Variants in PRKG1 observed in about 807,000 individuals in gnomAD.
PRKG1 encodes cGMP-dependent protein kinase 1.
In PRKG1, 35 loss-of-function variants were observed where a neutral mutation model predicts 88.1. That is an observed-to-expected ratio of 0.40 (90% CI 0.30 to 0.53). The LOEUF (loss-of-function observed/expected upper bound fraction) is 0.53. Among genes scored for constraint, PRKG1 ranks in the 20% least tolerant of loss-of-function variants. The pLI, the probability that PRKG1 is intolerant of heterozygous loss-of-function variation, is 0.59. For synonymous variants in PRKG1, 303 were observed against 292.5 expected (o/e 1.04, Z -0.37); for missense variants, 540 against 839.8 (o/e 0.64, Z 4.41).
intron 3 of PRKG1, among the ~76,000 whole-genome samples, chr10:51,686,363 C>T (rs1243994204): frequency 2.6e-5 from 4 of 152,114 alleles, no homozygotes; most frequent in East Asian, 1.9e-4. Flanking sequence ...TGTTCTCGTT[C>T]GGCTCCCCCT....
chr10:52,241,499 G>T (rs920197364), intron 9 of PRKG1, among the ~76,000 whole-genome samples: 3 of 152,168 alleles, frequency 2.0e-5, no homozygotes, highest in African/African-American at 7.2e-5. Context: ...TAGAGGCCAT[G>T]GAGGGTAACT....
chr10:51,087,053 CTCTT>C (rs1167851748), intron 1 of PRKG1, among the ~76,000 whole-genome samples: 6 of 152,188 alleles, frequency 3.9e-5, no homozygotes, highest in Non-Finnish European at 8.8e-5. Context: ...GCTTTTCCCT[CTCTT>C]TCTTGACTCC....
At chr10:51,179,336 T>C (rs1837283037) in intron 2 of PRKG1, among the ~76,000 whole-genome samples, 2 of 152,246 alleles carry the variant, frequency 1.3e-5, no homozygotes, top group Non-Finnish European at 2.9e-5. Context: ...ATGGATTATA[T>C]AGAATAGTAG....
chr10:51,566,650 T>C (rs558364830), intron 3 of PRKG1, among the ~76,000 whole-genome samples: 30 of 151,970 alleles, frequency 2.0e-4, no homozygotes, highest in African/African-American at 6.5e-4. Context: ...AATTAAATTA[T>C]AAAGAGTCAG....
chr10:52,215,572 T>A (rs11001219), intron 9 of PRKG1, among the ~76,000 whole-genome samples: 17,979 of 152,134 alleles, frequency 0.12, 1,415 homozygotes, highest in African/African-American at 0.22. Flanking sequence ...CTTTTCCCCA[T>A]GGGAAGATGT....
At chr10:51,492,150 T>C (rs57038275) in intron 3 of PRKG1, among the ~76,000 whole-genome samples, 2,633 of 152,304 alleles carry the variant, frequency 0.017, 55 homozygotes, top group African/African-American at 0.044. Context: ...TGAAAATCTC[T>C]ATCCATCTAA....
chr10:51,165,857 C>T (rs1418354474), intron 2 of PRKG1, among the ~76,000 whole-genome samples: 1 of 152,108 alleles, frequency 6.6e-6, no homozygotes, highest in East Asian at 1.9e-4. Context: ...GAGCAGGCTT[C>T]TTTAAAAGAT....
At chr10:51,372,969 A>T (rs1447951769) in intron 2 of PRKG1, among the ~76,000 whole-genome samples, 2 of 152,154 alleles carry the variant, frequency 1.3e-5, no homozygotes, top group Non-Finnish European at 2.9e-5. Context: ...TGTTCGTGAC[A>T]GAGAGTTTAC....
chr10:51,520,745 T>C (rs1841715039), intron 3 of PRKG1, among the ~76,000 whole-genome samples: 1 of 152,232 alleles, frequency 6.6e-6, no homozygotes, highest in Non-Finnish European at 1.5e-5. Flanking sequence ...ACCTCATGTT[T>C]TTCATATTCA....
At chr10:52,260,709 G>C (rs1702780714) in intron 10 of PRKG1, among the ~76,000 whole-genome samples, 1 of 108,358 alleles carries the variant, frequency 9.2e-6, no homozygotes. Context: ...AAAAATATTT[G>C]ATTAGTTGGT....
At chr10:52,134,619 G>A (rs184872452) in intron 8 of PRKG1, among the ~76,000 whole-genome samples, 6 of 152,200 alleles carry the variant, frequency 3.9e-5, no homozygotes, top group Admixed American at 3.3e-4. Flanking sequence ...AATGTATGTG[G>A]ATAAATTCAT....
chr10:51,073,666 GTAAC>G (rs1256537146), upstream of PRKG1, among the ~76,000 whole-genome samples: 1 of 152,152 alleles, frequency 6.6e-6, no homozygotes, highest in African/African-American at 2.4e-5. Flanking sequence ...AGAAAGGAAA[GTAAC>G]TATCTGGAGC....
chr10:51,569,456 T>G (rs12260283), intron 3 of PRKG1, among the ~76,000 whole-genome samples: 11,326 of 152,048 alleles, frequency 0.074, 1,409 homozygotes, highest in African/African-American at 0.26. Flanking sequence ...TGTGCCAGGT[T>G]AAATAATGAA....
At chr10:52,172,623 T>C (rs958646540) in intron 9 of PRKG1, among the ~76,000 whole-genome samples, 4 of 152,240 alleles carry the variant, frequency 2.6e-5, no homozygotes, top group Non-Finnish European at 5.9e-5. Flanking sequence ...AATAATTATC[T>C]CTATCTACAA....
At chr10:52,120,753 C>T (rs11000841) in intron 7 of PRKG1, among the ~76,000 whole-genome samples, 9,444 of 152,176 alleles carry the variant, frequency 0.062, 556 homozygotes, top group East Asian at 0.36. Flanking sequence ...GGCTTTAGTC[C>T]GCCCTGTCAG....
At chr10:52,094,726 G>A (rs1847134429) in intron 7 of PRKG1, among the ~76,000 whole-genome samples, 1 of 152,078 alleles carries the variant, frequency 6.6e-6, no homozygotes, top group Admixed American at 6.6e-5. Flanking sequence ...GTGCTCACAG[G>A]GCTGGTGTGG....
chr10:51,163,806 C>G (rs555100499), intron 2 of PRKG1, among the ~76,000 whole-genome samples: 89 of 152,198 alleles, frequency 5.8e-4, no homozygotes, highest in Non-Finnish European at 1.2e-3. Flanking sequence ...GCACAGCAGT[C>G]TGAGATCAAA....
At chr10:51,965,023 A>G (rs1843533174) in intron 5 of PRKG1, among the ~76,000 whole-genome samples, 1 of 152,218 alleles carries the variant, frequency 6.6e-6, no homozygotes, top group Non-Finnish European at 1.5e-5. Flanking sequence ...TAGGCATTGA[A>G]ATTTGTTCTT....
chr10:51,896,463 C>A (rs967571016), intron 4 of PRKG1, among the ~76,000 whole-genome samples: 14 of 151,484 alleles, frequency 9.2e-5, no homozygotes, highest in East Asian at 3.9e-4. Context: ...AATCTCAATA[C>A]TTTGGGAGGT....
Sources: allele counts gnomAD v4.1 joint callset (sites outside exome capture counted in the v4.1 genomes callset), GRCh38; gene constraint gnomAD v4.1.1; transcripts MANE v1.5; gene names NCBI Gene and HGNC (gene_info 2026-07-23, HGNC 2026-07-21).